The following RAPGEF4 variants were observed in gnomAD, a reference collection of about 807,000 sequenced individuals.
RAPGEF4 encodes Rap guanine nucleotide exchange factor 4.
A neutral mutation model predicts 147.9 loss-of-function variants in RAPGEF4; 66 were observed. That is an observed-to-expected ratio of 0.45 (90% CI 0.37 to 0.55). The LOEUF is 0.55. RAPGEF4 is among the 20% of genes least tolerant of loss of function. The pLI, the probability that RAPGEF4 is intolerant of heterozygous loss-of-function variation, is 0.00. For missense variants in RAPGEF4, 1,071 were observed against 1,257.3 expected, an observed-to-expected ratio of 0.85 and a Z score of 2.24; for synonymous variants, 419 against 442.7, an observed-to-expected ratio of 0.95 and a Z score of 0.67.
chr2:172,948,035 T>G (rs1386321201), intron 6 of RAPGEF4, among the ~76,000 whole-genome samples: 1 of 152,220 alleles, frequency 6.6e-6, no homozygotes, highest in Non-Finnish European at 1.5e-5. Context: ...AATCATCTGG[T>G]GTATACCTTT....
At chr2:173,010,176 A>T (rs1559182238) in intron 17 of RAPGEF4, among the ~76,000 whole-genome samples, 1 of 152,254 alleles carries the variant, frequency 6.6e-6, no homozygotes, top group East Asian at 1.9e-4. Flanking sequence ...CTGTGATTCC[A>T]TGACTTACCT....
rs375982939 is a variant in RAPGEF4 at position 172,739,172 on chromosome 2, C to A, written c.65+3124C>A. 2.4e-3 allele frequency among the ~76,000 whole-genome samples: 360 copies of A among 152,170 alleles called. 2 individuals carry two copies. Among genetic ancestry groups the A allele is most frequent in the African/African-American group, 8.2e-3 (340 of 41,522 alleles). Reference sequence around the variant, plus strand: ...GACATTGAACATTTGGATGGATAAACCAACATTGAAAAAAGTCTCAGCAGA... The same window carrying A: ...GACATTGAACATTTGGATGGATAAAACAACATTGAAAAAAGTCTCAGCAGA... On this transcript the variant is annotated intron_variant, in intron 1 of 30. Coordinates refer to ENST00000397081, the MANE Select transcript of RAPGEF4 (RefSeq NM_007023.4).
intron 4 of RAPGEF4, among the ~76,000 whole-genome samples, chr2:172,884,946 C>T (rs1260005709): frequency 2.0e-5 from 3 of 152,208 alleles, no homozygotes; most frequent in Non-Finnish European, 4.4e-5. Context: ...GCTATTGTTG[C>T]CCCTCTCCGT....
chr2:172,754,039 A>G lies in RAPGEF4; in HGVS notation c.65+17991A>G, dbSNP rs1020659218. Among the ~76,000 whole-genome samples the G allele has an allele frequency of 5.9e-5, 9 of 152,212 alleles. No individual in the cohort carries two copies. In the East Asian group the frequency reaches 7.7e-4, roughly 13 times the overall value. On this transcript the variant is annotated intron_variant, in intron 1 of 30. Coordinates refer to ENST00000397081, the MANE Select transcript of RAPGEF4 (RefSeq NM_007023.4). ...AAAGTTACAGGCTATGATTTAAACT[A>G]TGTTGTAATTGGACCAAATAAAATA...
At chr2:172,856,215 T>G (rs1386608650) in intron 4 of RAPGEF4, among the ~76,000 whole-genome samples, 1 of 152,182 alleles carries the variant, frequency 6.6e-6, no homozygotes, top group African/African-American at 2.4e-5. Flanking sequence ...CTGACACATT[T>G]TATTATTATT....
At chr2:172,831,132 C>T (rs1209747476) in intron 4 of RAPGEF4, among the ~76,000 whole-genome samples, 1 of 152,064 alleles carries the variant, frequency 6.6e-6, no homozygotes, top group Non-Finnish European at 1.5e-5. Context: ...AACATACCTA[C>T]CAGAGTTTTC....
intron 4 of RAPGEF4, among the ~76,000 whole-genome samples, chr2:172,885,808 C>G (rs1052024402): frequency 1.3e-5 from 2 of 152,156 alleles, no homozygotes; most frequent in African/African-American, 4.8e-5. Context: ...TATCACCCTG[C>G]TTGGCATCTT....
chr2:172,839,554 T>G (rs377662738), intron 4 of RAPGEF4, among the ~76,000 whole-genome samples: 12 of 152,234 alleles, frequency 7.9e-5, no homozygotes, highest in African/African-American at 2.4e-4. Flanking sequence ...TGGTGGGTTT[T>G]GGCCAGCTCC....
intron 6 of RAPGEF4, among the ~76,000 whole-genome samples, chr2:172,958,443 C>T (rs1315747878): frequency 1.2e-4 from 19 of 152,186 alleles, no homozygotes; most frequent in Admixed American, 1.1e-3. Context: ...GATGGTCTCA[C>T]GTGTTTGAAC....
At chr2:173,043,450 C>T (rs780383179) in intron 29 of RAPGEF4, among the ~76,000 whole-genome samples, 1 of 152,210 alleles carries the variant, frequency 6.6e-6, no homozygotes, top group Non-Finnish European at 1.5e-5. Flanking sequence ...ATTGTGGCCG[C>T]TGTCTGGGAG....
chr2:172,946,553 C>CA (rs1473662092), intron 6 of RAPGEF4, among the ~76,000 whole-genome samples: 2 of 152,298 alleles, frequency 1.3e-5, no homozygotes, highest in East Asian at 3.9e-4. Context: ...CTAGGGGACT[C>CA]ACAATGCCTT....
rs549645584 is a variant in RAPGEF4, at chr2:172,807,637, C to G, written c.298-6642C>G. Among the ~76,000 whole-genome samples, 20 of 152,268 alleles carry G rather than the reference C, an allele frequency of 1.3e-4. No individual in the cohort carries two copies. In the South Asian group the frequency reaches 4.1e-3, roughly 32 times the overall value. The stretch of plus-strand genomic sequence containing the variant: ...TGAAATAATCCCAGGTGCTGTGAAA[C>G]TTAATGGCAAATATTGCCTGTAGGC... On this transcript the variant is annotated intron_variant, in intron 3 of 30. Coordinates refer to ENST00000397081, the MANE Select transcript of RAPGEF4 (RefSeq NM_007023.4).
chr2:172,920,673 C>T (rs1013414677), intron 5 of RAPGEF4, among the ~76,000 whole-genome samples: 1 of 152,198 alleles, frequency 6.6e-6, no homozygotes, highest in Admixed American at 6.5e-5. Context: ...CATTTCTCTA[C>T]AGATACCCTA....
rs760115019 is a variant in RAPGEF4, at chr2:173,026,697, G to A, written c.2379G>A (p.Glu793=). The A allele has an allele frequency of 6.2e-7, 1 of 1,613,554 alleles. No homozygotes were observed. Among genetic ancestry groups the A allele is most frequent in the South Asian group, 1.1e-5 (1 of 90,840 alleles). Residue 793 remains glutamate, a splice_region_variant and synonymous_variant, in exon 24 of 31, where the codon GAG becomes GAA. Coordinates refer to ENST00000397081, the MANE Select transcript of RAPGEF4 (RefSeq NM_007023.4). ...GGGAACTCTTCAACTGCGTGCATGA[G>A]GTAAGATGCAGGATCAGATGTGTTA... ...YDWELFNCVH[E]LELIYHTFGR...
At chr2:172,965,363 C>G in intron 8 of RAPGEF4, 199 bp from the exon 9 acceptor site, 1 of 654,880 alleles carries the variant, frequency 1.5e-6, no homozygotes, top group Non-Finnish European at 2.7e-6. Flanking sequence ...AAAGTTCTCT[C>G]ATGAGCTGAG....
chr2:172,798,611 A>G (rs1304377404), intron 3 of RAPGEF4, among the ~76,000 whole-genome samples: 1 of 108,374 alleles, frequency 9.2e-6, no homozygotes, highest in African/African-American at 3.2e-5. Context: ...ACCTTCTGCC[A>G]AGTGTCATAT....
At chr2:172,936,264 G>A (rs906030588) in intron 6 of RAPGEF4, among the ~76,000 whole-genome samples, 1 of 152,096 alleles carries the variant, frequency 6.6e-6, no homozygotes, top group Non-Finnish European at 1.5e-5. Flanking sequence ...CTACTCTGAA[G>A]GCTGAGGCAG....
At chr2:172,886,455 C>A (rs944211522) in intron 4 of RAPGEF4, among the ~76,000 whole-genome samples, 1 of 152,208 alleles carries the variant, frequency 6.6e-6, no homozygotes, top group Non-Finnish European at 1.5e-5. Flanking sequence ...TTAGAAAGAA[C>A]CCAGCACTCG....
intron 17 of RAPGEF4, among the ~76,000 whole-genome samples, chr2:173,002,012 A>AAAAAAAAAAAAAAAAAAAAAC (rs1693981051): frequency 6.6e-6 from 1 of 150,782 alleles, no homozygotes; most frequent in Non-Finnish European, 1.5e-5. Flanking sequence ...AAAAAAAAAA[A>AAAAAAAAAAAAAAAAAAAAAC]AAATCCATTG....
Sources: allele counts gnomAD v4.1 joint callset (sites outside exome capture counted in the v4.1 genomes callset), GRCh38; gene constraint gnomAD v4.1.1; transcripts MANE v1.5; gene names NCBI Gene and HGNC (gene_info 2026-07-23, HGNC 2026-07-21).